MYT1L: variants seen among roughly 807,000 people sequenced by gnomAD.
The protein encoded by MYT1L is myelin transcription factor 1-like protein.
A neutral mutation model predicts 126.7 loss-of-function variants in MYT1L; 12 were observed. That is an observed-to-expected ratio of 0.09 (90% CI 0.06 to 0.15). The LOEUF is 0.15. MYT1L is among the 10% of genes least tolerant of loss of function. MYT1L has a pLI of 1.00. For missense variants in MYT1L, 979 were observed against 1,585.2 expected (o/e 0.62, Z 6.49); for synonymous variants, 541 against 604.2 (o/e 0.90, Z 1.53).
chr2:1,979,367 G>A lies in MYT1L; in HGVS notation c.90-140C>T. 1 of 1,093,666 alleles carries A rather than the reference G, an allele frequency of 9.1e-7. No individual in the cohort carries two copies. The highest frequency in any genetic ancestry group is 1.4e-6 in the Non-Finnish European group (1 of 726,886). 67.7% of individuals were successfully genotyped at this position (1,093,666 alleles called of 1,614,324 possible). A position where few individuals can be genotyped will look rare whatever the true frequency, so the allele number is the denominator to read the frequency against. ...TCCAAAGGAGGGGGAAATTCGGGGA[G>A]GCTTTTTACGAGCAAGTCTCGGGGG... On this transcript the variant is annotated intron_variant, in intron 7 of 24. Coordinates refer to ENST00000647738, the MANE Select transcript of MYT1L (RefSeq NM_001303052.2). This position sits in a 1 kb window ranked among gnomAD's most constrained non-coding sequence, Gnocchi z 4.0.
At chr2:2,186,601 C>T (rs1201683869) in intron 2 of MYT1L, among the ~76,000 whole-genome samples, 1 of 152,154 alleles carries the variant, frequency 6.6e-6, no homozygotes, top group African/African-American at 2.4e-5. Flanking sequence ...AAGTCACGTT[C>T]TGCAGACCCG....
intron 1 of MYT1L, among the ~76,000 whole-genome samples, chr2:2,314,352 T>C (rs753746855): frequency 5.9e-5 from 9 of 152,200 alleles, no homozygotes; most frequent in Non-Finnish European, 1.2e-4. Context: ...TCAAATATCA[T>C]TAAATAATGA....
At chr2:2,265,460 T>A (rs2095103427) in intron 2 of MYT1L, among the ~76,000 whole-genome samples, 1 of 152,154 alleles carries the variant, frequency 6.6e-6, no homozygotes, top group Admixed American at 6.5e-5. Context: ...TTTTAATAAG[T>A]GCGAGTCCTT....
At chr2:2,041,540 A>C (rs2067536763) in intron 4 of MYT1L, among the ~76,000 whole-genome samples, 1 of 152,222 alleles carries the variant, frequency 6.6e-6, no homozygotes, top group African/African-American at 2.4e-5. Flanking sequence ...TCAAATGACC[A>C]AACATCAGAA....
At chr2:2,187,234 G>T (rs968422480) in intron 2 of MYT1L, among the ~76,000 whole-genome samples, 1 of 151,962 alleles carries the variant, frequency 6.6e-6, no homozygotes, top group Non-Finnish European at 1.5e-5. Flanking sequence ...AGCTCTGTCC[G>T]TTCCCTCTGG....
chr2:1,824,744 G>C (rs1026378886), intron 21 of MYT1L: 2 of 151,460 alleles, frequency 1.3e-5, no homozygotes, highest in South Asian at 4.1e-4. Context: ...AGAGGAGAGA[G>C]AGGGGGAGGA....
intron 21 of MYT1L, among the ~76,000 whole-genome samples, chr2:1,830,209 A>C (rs1219053704): frequency 1.3e-5 from 2 of 152,164 alleles, no homozygotes; most frequent in African/African-American, 4.8e-5. Context: ...GGAGTCACTC[A>C]CGGGGGGTCA....
chr2:2,182,972 G>GCAGAGGTGAGCGGACTCTGCCA (rs1233266539), intron 2 of MYT1L, among the ~76,000 whole-genome samples: 1 of 152,172 alleles, frequency 6.6e-6, no homozygotes, highest in Non-Finnish European at 1.5e-5. Flanking sequence ...TCAGGGTTAC[G>GCAGAGGTGAGCGGACTCTGCCA]CAGAGGTGAG....
chr2:2,312,159 T>C (rs1042171523), intron 1 of MYT1L, among the ~76,000 whole-genome samples: 1 of 152,210 alleles, frequency 6.6e-6, no homozygotes, highest in Non-Finnish European at 1.5e-5. Context: ...TCATGCTCCC[T>C]TGGCCAGCCC....
intron 23 of MYT1L, among the ~76,000 whole-genome samples, chr2:1,799,007 G>C (rs1259954703): frequency 2.0e-5 from 3 of 152,192 alleles, no homozygotes; most frequent in Admixed American, 6.5e-5. Flanking sequence ...GGTGCTCACA[G>C]AACAACTTCT....
At chr2:2,033,782 G>C (rs1196458498) in intron 4 of MYT1L, among the ~76,000 whole-genome samples, 1 of 152,164 alleles carries the variant, frequency 6.6e-6, no homozygotes, top group African/African-American at 2.4e-5. Context: ...AGGACATGGT[G>C]CCTGGAGCAG....
chr2:1,988,832 T>C (rs912320314), intron 5 of MYT1L, among the ~76,000 whole-genome samples: 3 of 152,220 alleles, frequency 2.0e-5, no homozygotes, highest in Admixed American at 1.3e-4. Flanking sequence ...CCTGGCTGGG[T>C]ACATAGCCGA....
chr2:1,835,728 G>C (rs1348992552), intron 21 of MYT1L, among the ~76,000 whole-genome samples: 1 of 152,146 alleles, frequency 6.6e-6, no homozygotes, highest in Non-Finnish European at 1.5e-5. Context: ...TGACACACAG[G>C]GAGGTCCCCT....
chr2:2,170,919 G>C (rs2089961105), intron 3 of MYT1L, among the ~76,000 whole-genome samples: 1 of 152,202 alleles, frequency 6.6e-6, no homozygotes, highest in Admixed American at 6.5e-5. Context: ...TGAAGAGAGT[G>C]AGGACTGAGT....
At chr2:2,256,233 C>T (rs543368848) in intron 2 of MYT1L, among the ~76,000 whole-genome samples, 2 of 152,304 alleles carry the variant, frequency 1.3e-5, no homozygotes, top group South Asian at 2.1e-4. Flanking sequence ...GTCCGCAGGC[C>T]GAGGCCAGTG....
At chr2:2,304,365 C>T (rs968791923) in intron 1 of MYT1L, among the ~76,000 whole-genome samples, 1 of 152,110 alleles carries the variant, frequency 6.6e-6, no homozygotes, top group African/African-American at 2.4e-5. Context: ...TAAGAAGAGG[C>T]AGACCTCTGA....
intron 1 of MYT1L, among the ~76,000 whole-genome samples, chr2:2,301,688 A>G (rs1160067576): frequency 6.6e-6 from 1 of 151,938 alleles, no homozygotes; most frequent in Non-Finnish European, 1.5e-5. Context: ...AAAGTTAGCC[A>G]GGCATGATGG....
At chr2:1,956,360 TATCA>T in intron 8 of MYT1L, among the ~76,000 whole-genome samples, 1 of 150,420 alleles carries the variant, frequency 6.6e-6, no homozygotes, top group African/African-American at 2.5e-5. Context: ...TCTATCTATC[TATCA>T]TCTATCCTAT....
chr2:1,862,706 C>T (rs779139119), intron 18 of MYT1L, among the ~76,000 whole-genome samples: 19 of 152,162 alleles, frequency 1.2e-4, no homozygotes, highest in Non-Finnish European at 2.5e-4. Context: ...CCTCTGGTTA[C>T]AAAGAGGGCC....
Sources: allele counts gnomAD v4.1 joint callset (sites outside exome capture counted in the v4.1 genomes callset), GRCh38; gene constraint gnomAD v4.1.1; non-coding constraint Gnocchi (gnomAD v3.1); transcripts MANE v1.5; gene names NCBI Gene and HGNC (gene_info 2026-07-23, HGNC 2026-07-21).